The following ITCH variants were observed in gnomAD, a reference collection of about 807,000 sequenced individuals.
ITCH encodes E3 ubiquitin-protein ligase Itchy homolog.
Under a neutral mutation model 126.8 loss-of-function variants are expected in ITCH, and 28 were observed. That is an observed-to-expected ratio of 0.22 (90% CI 0.16 to 0.30). ITCH has a LOEUF of 0.30. Among genes scored for constraint, ITCH ranks in the 10% least tolerant of loss-of-function variants. The probability of loss-of-function intolerance (pLI) is 1.00; values close to 1 mark genes in which losing one functional copy is unlikely to be tolerated. For missense variants in ITCH, 631 were observed against 1,032.4 expected (o/e 0.61, Z 5.33); for synonymous variants, 342 against 340.0 (o/e 1.01, Z -0.06).
intron 14 of ITCH, among the ~76,000 whole-genome samples, chr20:34,464,301 T>C (rs913385206): frequency 2.6e-5 from 4 of 151,422 alleles, no homozygotes; most frequent in East Asian, 1.9e-4. Context: ...TTTTTCTTTT[T>C]TTTTTTTTCT....
intron 7 of ITCH, among the ~76,000 whole-genome samples, chr20:34,428,202 A>C (rs1981802958): frequency 1.3e-5 from 2 of 152,212 alleles, no homozygotes; most frequent in Non-Finnish European, 1.5e-5. Flanking sequence ...AAATGTTACT[A>C]CACAATAATG....
chr20:34,497,076 A>G (rs551961119), intron 23 of ITCH, among the ~76,000 whole-genome samples: 1 of 151,854 alleles, frequency 6.6e-6, no homozygotes, highest in African/African-American at 2.4e-5. Context: ...GGCTCCCCAC[A>G]ACCTCCGCCT....
At chr20:34,394,379 G>A (rs1276093071) in intron 3 of ITCH, among the ~76,000 whole-genome samples, 1 of 151,896 alleles carries the variant, frequency 6.6e-6, no homozygotes, top group Admixed American at 6.6e-5. Flanking sequence ...TTCAACATGG[G>A]TACCTGGGTA....
intron 16 of ITCH, among the ~76,000 whole-genome samples, chr20:34,472,059 T>G (rs1987684855): frequency 6.6e-6 from 1 of 152,098 alleles, no homozygotes; most frequent in Non-Finnish European, 1.5e-5. Flanking sequence ...TCAGCAGATT[T>G]TTTCACTTGT....
chr20:34,396,607 G>T (rs1410550027), intron 3 of ITCH, among the ~76,000 whole-genome samples: 2 of 151,064 alleles, frequency 1.3e-5, no homozygotes, highest in African/African-American at 4.9e-5. Context: ...CTTCTAGGCT[G>T]AAGTGATCGT....
chr20:34,457,256 G>T (rs891328009), intron 12 of ITCH, 134 bp from the exon 13 acceptor site: 3 of 691,006 alleles, frequency 4.3e-6, no homozygotes, highest in African/African-American at 3.6e-5. Flanking sequence ...ACCTTTTAAA[G>T]CTGTGATTTA....
intron 16 of ITCH, 76 bp downstream of exon 16, chr20:34,471,591 C>T: frequency 2.2e-6 from 2 of 918,316 alleles, no homozygotes; most frequent in South Asian, 2.7e-5. Context: ...TCAGTTTAAT[C>T]TGAATGGTTT....
At chr20:34,478,392 G>A (rs536443915) in intron 17 of ITCH, among the ~76,000 whole-genome samples, 1 of 152,268 alleles carries the variant, frequency 6.6e-6, no homozygotes, top group Admixed American at 6.5e-5. Flanking sequence ...TCTTAATTCT[G>A]CTTTCTTCAT....
At chr20:34,437,244 A>G (rs1311313134) in intron 7 of ITCH, among the ~76,000 whole-genome samples, 1 of 152,200 alleles carries the variant, frequency 6.6e-6, no homozygotes, top group African/African-American at 2.4e-5. Flanking sequence ...TGTTTTTATT[A>G]AAAATAAATC....
At chr20:34,443,666 T>C (rs1012417198) in intron 10 of ITCH, among the ~76,000 whole-genome samples, 6 of 152,036 alleles carry the variant, frequency 3.9e-5, no homozygotes, top group Non-Finnish European at 8.8e-5. Context: ...TAATATCAAG[T>C]GTTGGTGAGG....
At chr20:34,380,330 C>T (rs1044346419) in intron 2 of ITCH, among the ~76,000 whole-genome samples, 2 of 152,108 alleles carry the variant, frequency 1.3e-5, no homozygotes, top group African/African-American at 4.8e-5. Flanking sequence ...GGCTCAAGTA[C>T]AGCAATGACA....
intron 3 of ITCH, chr20:34,402,211 C>G: frequency 7.0e-7 from 1 of 1,420,572 alleles, no homozygotes; most frequent in Non-Finnish European, 9.9e-7. Flanking sequence ...AATATTGCTT[C>G]GTCAAATACA....
chr20:34,449,324 C>A, intron 11 of ITCH, 87 bp from the exon 12 acceptor site: 2 of 776,762 alleles, frequency 2.6e-6, no homozygotes, highest in Non-Finnish European at 4.5e-6. Flanking sequence ...TATACATTGC[C>A]AGGGAAGGGA....
At chr20:34,388,435 A>G (rs934571490) in intron 2 of ITCH, among the ~76,000 whole-genome samples, 2 of 151,578 alleles carry the variant, frequency 1.3e-5, no homozygotes, top group Non-Finnish European at 2.9e-5. Flanking sequence ...CCCAAGATGG[A>G]TTGCAGTGGC....
Position 34,427,588 on chromosome 20 carries a change from A to C in ITCH, c.521+3063A>C, listed in dbSNP as rs572845348. On this transcript the variant is annotated intron_variant, in intron 7 of 24. Coordinates refer to ENST00000374864, the MANE Select transcript of ITCH (RefSeq NM_031483.7). ...AGATCGTGCCACTGTACTCAGAGTG[A>C]TGACAGTTAGACCCTGTGTCAAAAA... Among the ~76,000 whole-genome samples the C allele has an allele frequency of 1.2e-3, 180 of 152,294 alleles. 1 individual carries two copies. Among genetic ancestry groups the C allele is most frequent in the Non-Finnish European group, 2.1e-3 (140 of 68,024 alleles).
rs142991770 is a variant in ITCH, at chr20:34,455,259, A to G, written c.1211-2131A>G. Among the ~76,000 whole-genome samples, 276 of 152,274 alleles carry G rather than the reference A, an allele frequency of 1.8e-3. 1 individual carries two copies. Among genetic ancestry groups the G allele is most frequent in the African/African-American group, 6.4e-3 (267 of 41,554 alleles). The stretch of plus-strand genomic sequence containing the variant: ...TTTTTAAAAAGTTTCAGTTCATTCT[A>G]TGATCTTTAATACATCAGTTCATTC... On this transcript the variant is annotated intron_variant, in intron 12 of 24. Transcript: ENST00000374864.
chr20:34,490,583 C>T (rs544302740), intron 22 of ITCH, among the ~76,000 whole-genome samples: 1 of 152,300 alleles, frequency 6.6e-6, no homozygotes, highest in African/African-American at 2.4e-5. Flanking sequence ...GCAGAGGTTG[C>T]AGTAAGCCAA....
At position 34,509,463 on chromosome 20, in the gene ITCH, CATCCTGGAACAA is replaced by C. The variant is rs1179964749; in HGVS notation, c.*1670_*1681del. The stretch of plus-strand genomic sequence containing the variant: ...TTTGTCCCTAATGTTCTTCCTTTTA[CATCCTGGAACAA>C]CAATAAAAACATTTTTTTAAACTTG... On this transcript the variant is annotated 3_prime_UTR_variant, in exon 25 of 25. Coordinates refer to ENST00000374864, the MANE Select transcript of ITCH (RefSeq NM_031483.7). 1 of 152,668 alleles carries C rather than the reference CATCCTGGAACAA, an allele frequency of 6.6e-6. No individual in the cohort carries two copies. Among genetic ancestry groups the C allele is most frequent in the Non-Finnish European group, 1.5e-5 (1 of 68,048 alleles). 9.5% of individuals were successfully genotyped at this position (152,668 alleles called of 1,614,324 possible).
chr20:34,440,009 C>T, intron 8 of ITCH, 146 bp from the exon 9 acceptor site: 1 of 653,564 alleles, frequency 1.5e-6, no homozygotes, highest in South Asian at 1.9e-5. Flanking sequence ...TTTCCCATTA[C>T]TTATTTCTTT....
Sources: allele counts gnomAD v4.1 joint callset (sites outside exome capture counted in the v4.1 genomes callset), GRCh38; gene constraint gnomAD v4.1.1; transcripts MANE v1.5; gene names NCBI Gene and HGNC (gene_info 2026-07-23, HGNC 2026-07-21).